The following PLCH1 variants were observed in gnomAD, a reference collection of about 807,000 sequenced individuals.
PLCH1 encodes the protein 1-phosphatidylinositol 4,5-bisphosphate phosphodiesterase eta-1.
Under a neutral mutation model 126.7 loss-of-function variants are expected in PLCH1, and 60 were observed. The observed-to-expected ratio is 0.47, with a 90% CI of 0.38 to 0.59. PLCH1 has a LOEUF of 0.59. Among genes scored for constraint, PLCH1 ranks in the 20% least tolerant of loss-of-function variants. PLCH1 has a pLI of 0.00. For synonymous variants in PLCH1, 719 were observed against 734.9 expected, an observed-to-expected ratio of 0.98 and a Z score of 0.35; for missense variants, 1,723 against 2,040.0, an observed-to-expected ratio of 0.84 and a Z score of 2.99.
At chr3:155,539,867 C>T (rs137928150) in intron 10 of PLCH1, among the ~76,000 whole-genome samples, 60 of 152,042 alleles carry the variant, frequency 3.9e-4, no homozygotes, top group African/African-American at 1.4e-3. Flanking sequence ...ATCATCATTC[C>T]TCACAAAACT....
chr3:155,687,266 A>G (rs1168168680), intron 2 of PLCH1, among the ~76,000 whole-genome samples: 2 of 152,220 alleles, frequency 1.3e-5, no homozygotes, highest in African/African-American at 2.4e-5. Flanking sequence ...TTCTGCTTCA[A>G]TAGTCCTCCT....
intron 2 of PLCH1, among the ~76,000 whole-genome samples, chr3:155,624,089 G>C (rs547815532): frequency 6.6e-6 from 1 of 151,438 alleles, no homozygotes; most frequent in South Asian, 2.2e-4. Flanking sequence ...TGCAAGGCTG[G>C]TTCAACATAC....
intron 2 of PLCH1, among the ~76,000 whole-genome samples, chr3:155,701,069 G>T (rs1746237651): frequency 6.6e-6 from 1 of 152,168 alleles, no homozygotes; most frequent in Non-Finnish European, 1.5e-5. Context: ...TCTCATCGCT[G>T]GACATAGTAG....
chr3:155,527,792 C>A (rs1465471597), intron 10 of PLCH1, among the ~76,000 whole-genome samples: 1 of 151,600 alleles, frequency 6.6e-6, no homozygotes, highest in African/African-American at 2.4e-5. Flanking sequence ...TGGTGGTAAG[C>A]ACTTGTAATC....
intron 21 of PLCH1, among the ~76,000 whole-genome samples, chr3:155,472,876 C>T (rs1713335965): frequency 6.6e-6 from 1 of 151,166 alleles, no homozygotes. Flanking sequence ...CAAAATTCAA[C>T]AACCCTTCAT....
At chr3:155,653,398 A>C (rs977415018) in intron 2 of PLCH1, among the ~76,000 whole-genome samples, 1 of 152,114 alleles carries the variant, frequency 6.6e-6, no homozygotes, top group African/African-American at 2.4e-5. Context: ...GGAGGTCCAA[A>C]TCATTGGCTT....
At chr3:155,661,842 A>G (rs1342940973) in intron 2 of PLCH1, among the ~76,000 whole-genome samples, 2 of 152,352 alleles carry the variant, frequency 1.3e-5, no homozygotes, top group African/African-American at 4.8e-5. Flanking sequence ...CAGAGCACTC[A>G]GGTAGTTAGT....
intron 13 of PLCH1, among the ~76,000 whole-genome samples, chr3:155,503,336 G>A (rs1427756920): frequency 6.6e-6 from 1 of 151,948 alleles, no homozygotes; most frequent in Non-Finnish European, 1.5e-5. Context: ...GTACTCTCTT[G>A]GGTCTGGTTT....
intron 4 of PLCH1, among the ~76,000 whole-genome samples, chr3:155,593,104 C>T (rs6792033): frequency 1.6e-3 from 242 of 152,150 alleles, no homozygotes; most frequent in African/African-American, 5.3e-3. Context: ...ATTCTAATGA[C>T]GGCAAGGGAG....
chr3:155,669,482 G>C (rs1034626244), intron 2 of PLCH1, among the ~76,000 whole-genome samples: 2 of 152,156 alleles, frequency 1.3e-5, no homozygotes, highest in African/African-American at 4.8e-5. Flanking sequence ...AGAGGCTAAG[G>C]TGAGAGGTTC....
intron 2 of PLCH1, among the ~76,000 whole-genome samples, chr3:155,657,590 T>C (rs1276807591): frequency 2.6e-5 from 4 of 152,240 alleles, no homozygotes; most frequent in Non-Finnish European, 5.9e-5. Context: ...TTTATAATAA[T>C]AATCTATTAT....
Position 155,683,881 on chromosome 3 carries a change from C to T in PLCH1, c.79+20265G>A, listed in dbSNP as rs1027223272. On this transcript the variant is annotated intron_variant, in intron 2 of 22. Transcript: ENST00000460012. The stretch of plus-strand genomic sequence containing the variant: ...TGAACAGAAGCCCCTTTACCTCCTT[C>T]CTTGGGAGGTGGAGCTGGATGACTA... Among the ~76,000 whole-genome samples the T allele has an allele frequency of 3.3e-5, 5 of 152,186 alleles. No individual in the cohort carries two copies. The East Asian group carries it at 9.6e-4, about 29-fold the overall frequency.
intron 2 of PLCH1, among the ~76,000 whole-genome samples, chr3:155,696,080 T>G (rs1465307617): frequency 6.6e-6 from 1 of 152,122 alleles, no homozygotes. Context: ...ATGAACACAC[T>G]TTTGGAGTTA....
intron 2 of PLCH1, among the ~76,000 whole-genome samples, chr3:155,701,923 C>G (rs1746304884): frequency 6.6e-6 from 1 of 152,132 alleles, no homozygotes; most frequent in African/African-American, 2.4e-5. Flanking sequence ...TTTACACTAT[C>G]AGAAATATAT....
chr3:155,531,363 G>A (rs775050031), intron 10 of PLCH1, among the ~76,000 whole-genome samples: 9 of 152,316 alleles, frequency 5.9e-5, no homozygotes, highest in Middle Eastern at 6.8e-3. Flanking sequence ...AGTGGCTCAC[G>A]CCTGTAATCC....
At position 155,541,533 on chromosome 3, in the gene PLCH1, G is replaced by A. The variant is rs1202056493; in HGVS notation, c.1362+8254C>T. Among the ~76,000 whole-genome samples the A allele has an allele frequency of 3.9e-5, 6 of 152,088 alleles. No homozygotes were observed. In the South Asian group the frequency reaches 6.2e-4, roughly 16 times the overall value. On this transcript the variant is annotated intron_variant, in intron 10 of 22. Coordinates refer to ENST00000460012, the MANE Select transcript of PLCH1 (RefSeq NM_014996.4). ...GAACTGAGGAGTGGGAGAGAGATGGGGAATCAGGTGGTTCATGGAGCAGTT... is the reference window on the plus strand; with the variant it reads ...GAACTGAGGAGTGGGAGAGAGATGGAGAATCAGGTGGTTCATGGAGCAGTT...
At chr3:155,687,639 C>T (rs527647552) in intron 2 of PLCH1, among the ~76,000 whole-genome samples, 29 of 152,138 alleles carry the variant, frequency 1.9e-4, no homozygotes, top group African/African-American at 7.0e-4. Flanking sequence ...TATTATTTCC[C>T]AGATGGGTTC....
intron 8 of PLCH1, among the ~76,000 whole-genome samples, chr3:155,557,513 T>C (rs1726982808): frequency 6.6e-6 from 1 of 152,200 alleles, no homozygotes; most frequent in Non-Finnish European, 1.5e-5. Context: ...GTTCTCCTAA[T>C]GTTCAATTTT....
At chr3:155,689,739 C>G (rs939598589) in intron 2 of PLCH1, among the ~76,000 whole-genome samples, 1 of 151,498 alleles carries the variant, frequency 6.6e-6, no homozygotes. Flanking sequence ...AGGAGAAAAA[C>G]AGAAAAAAGA....
Sources: gnomAD v4.1 joint callset for allele counts (sites outside exome capture counted in the v4.1 genomes callset) on GRCh38, gnomAD v4.1.1 for gene constraint, MANE v1.5 for transcripts, NCBI Gene and HGNC (gene_info 2026-07-23, HGNC 2026-07-21) for gene names.